The following BLTP1 variants were observed in gnomAD, a reference collection of about 807,000 sequenced individuals.
The protein encoded by BLTP1 is bridge-like lipid transfer protein family member 1.
chr4:122,359,765 AC>A, the BLTP1 span: 1 of 1,539,392 alleles, frequency 6.5e-7, no homozygotes, highest in Non-Finnish European at 8.7e-7. Context: ...CTAAGGGATT[AC>A]TATGAGCAAA....
chr4:122,199,292 C>G, the BLTP1 span: 1 of 1,580,724 alleles, frequency 6.3e-7, no homozygotes, highest in Non-Finnish European at 8.6e-7. Context: ...GGAGTTGGTT[C>G]TAGTCCAAAG....
the BLTP1 span, chr4:122,307,896 G>C: frequency 3.8e-6 from 6 of 1,582,776 alleles, no homozygotes; most frequent in African/African-American, 8.2e-5. Context: ...TTAACATATA[G>C]ATTTACAGTG....
the BLTP1 span, among the ~76,000 whole-genome samples, chr4:122,321,967 T>C: frequency 1.8e-4 from 25 of 140,848 alleles, no homozygotes; most frequent in Non-Finnish European, 3.2e-4. Flanking sequence ...GATAATGATA[T>C]AACTACATGT....
chr4:122,270,196 A>C, the BLTP1 span: 2 of 167,104 alleles, frequency 1.2e-5, no homozygotes, highest in Non-Finnish European at 2.4e-5. Context: ...AAGAAATACT[A>C]GTATTCATTA....
At chr4:122,291,408 C>A in the BLTP1 span, among the ~76,000 whole-genome samples, 1 of 152,196 alleles carries the variant, frequency 6.6e-6, no homozygotes, top group Non-Finnish European at 1.5e-5. Flanking sequence ...GTACTCTGAT[C>A]TCTGTATTGC....
At chr4:122,162,729 C>CAA in the BLTP1 span, 1 of 812,194 alleles carries the variant, frequency 1.2e-6, no homozygotes, top group Non-Finnish European at 1.4e-6. Flanking sequence ...GTTATAACAA[C>CAA]AACAACAAAA....
chr4:122,345,069 T>C, the BLTP1 span: 1 of 963,872 alleles, frequency 1.0e-6, no homozygotes, highest in Non-Finnish European at 1.2e-6. Flanking sequence ...TCCAGAATAC[T>C]GAGTAAAAAC....
the BLTP1 span, chr4:122,170,637 A>G: frequency 6.4e-7 from 1 of 1,553,292 alleles, no homozygotes; most frequent in Admixed American, 2.1e-5. Flanking sequence ...TGTTCTGGAA[A>G]AACTTTAGTA....
the BLTP1 span, among the ~76,000 whole-genome samples, chr4:122,327,595 G>A: frequency 6.6e-6 from 1 of 151,360 alleles, no homozygotes; most frequent in East Asian, 1.9e-4. Flanking sequence ...AACTCATGTG[G>A]GGCTCATTTT....
the BLTP1 span, among the ~76,000 whole-genome samples, chr4:122,253,047 C>A: frequency 6.6e-6 from 1 of 152,198 alleles, no homozygotes; most frequent in Admixed American, 6.5e-5. Flanking sequence ...CCAAGACCAC[C>A]AAGGTGGTAC....
chr4:122,159,339 T>C, the BLTP1 span, among the ~76,000 whole-genome samples: 1 of 151,860 alleles, frequency 6.6e-6, no homozygotes, highest in East Asian at 1.9e-4. Context: ...GGCAGGCGCC[T>C]GTGGTCCCAG....
chr4:122,357,046 C>G, the BLTP1 span: 4 of 982,232 alleles, frequency 4.1e-6, no homozygotes, highest in Non-Finnish European at 4.8e-6. Context: ...TGAGAAAATA[C>G]TGCAAATCAA....
the BLTP1 span, chr4:122,207,700 G>A: frequency 7.4e-7 from 1 of 1,345,920 alleles, no homozygotes; most frequent in Non-Finnish European, 1.0e-6. Flanking sequence ...ATTTCCCAAA[G>A]CTTATCTTCA....
chr4:122,321,119 T>C, the BLTP1 span, among the ~76,000 whole-genome samples: 8 of 152,064 alleles, frequency 5.3e-5, no homozygotes, highest in Non-Finnish European at 1.2e-4. Flanking sequence ...CTTCAACTTA[T>C]GACAGGTTTA....
chr4:122,199,337 G>A, the BLTP1 span: 1 of 1,608,232 alleles, frequency 6.2e-7, no homozygotes, highest in South Asian at 1.1e-5. Context: ...CTGGTTCTTA[G>A]TTTTTATGTT....
chr4:122,285,960 A>G, the BLTP1 span, among the ~76,000 whole-genome samples: 1 of 152,232 alleles, frequency 6.6e-6, no homozygotes, highest in East Asian at 1.9e-4. Flanking sequence ...TTTAAGGTCA[A>G]TAGTAAACTA....
chr4:122,246,821 C>CT, the BLTP1 span: 1 of 1,609,572 alleles, frequency 6.2e-7, no homozygotes. Context: ...GTAAGAAATA[C>CT]TTTATTAATC....
At chr4:122,305,211 A>C in the BLTP1 span, 2 of 983,510 alleles carry the variant, frequency 2.0e-6, no homozygotes, top group East Asian at 1.1e-4. Flanking sequence ...AACTTAATCC[A>C]GTATCTTCGT....
At chr4:122,178,672 T>C in the BLTP1 span, among the ~76,000 whole-genome samples, 1 of 152,216 alleles carries the variant, frequency 6.6e-6, no homozygotes, top group Non-Finnish European at 1.5e-5. Flanking sequence ...CAACATTCCT[T>C]ATCCTGTTTT....
Sources: allele counts gnomAD v4.1 joint callset (sites outside exome capture counted in the v4.1 genomes callset), GRCh38; gene constraint gnomAD v4.1.1; transcripts MANE v1.5; gene names NCBI Gene and HGNC (gene_info 2026-07-23, HGNC 2026-07-21).